ANK3: variants seen among roughly 807,000 people sequenced by gnomAD.
ANK3 encodes ankyrin-3.
In ANK3, 57 loss-of-function variants were observed where a neutral mutation model predicts 370.9. The observed-to-expected ratio is 0.15, with a 90% confidence interval of 0.12 to 0.19. The LOEUF is 0.19. ANK3 is among the 10% of genes least tolerant of loss of function. The pLI, the probability that ANK3 is intolerant of heterozygous loss-of-function variation, is 1.00. For synonymous variants in ANK3, 1,929 were observed against 1,946.3 expected (o/e 0.99, Z 0.23); for missense variants, 4,439 against 5,302.1 (o/e 0.84, Z 5.06).
chr10:60,505,019 C>T (rs990897939), intron 2 of ANK3, among the ~76,000 whole-genome samples: 2 of 151,992 alleles, frequency 1.3e-5, no homozygotes, highest in Non-Finnish European at 2.9e-5. Context: ...AAAAAAACTC[C>T]CTTTTTTAGA....
At chr10:60,176,196 CAAAAAA>C (rs553748635) in intron 18 of ANK3, among the ~76,000 whole-genome samples, 4 of 136,432 alleles carry the variant, frequency 2.9e-5, no homozygotes, top group African/African-American at 1.1e-4. Flanking sequence ...AAAAAAAAAA[CAAAAAA>C]AAACAAAAAA....
chr10:60,714,570 AT>A (rs2079755728), intron 1 of ANK3, among the ~76,000 whole-genome samples: 1 of 152,236 alleles, frequency 6.6e-6, no homozygotes, highest in Non-Finnish European at 1.5e-5. Context: ...TGCAAGACTG[AT>A]TCAACATTTG....
At chr10:60,634,659 GC>G (rs747472124) in intron 1 of ANK3, among the ~76,000 whole-genome samples, 2 of 152,080 alleles carry the variant, frequency 1.3e-5, no homozygotes, top group Non-Finnish European at 2.9e-5. Context: ...CGCTGTGGAA[GC>G]TTTGTTCTTT....
chr10:60,534,675 G>C (rs1595225292), intron 2 of ANK3, among the ~76,000 whole-genome samples: 1 of 152,076 alleles, frequency 6.6e-6, no homozygotes, highest in East Asian at 1.9e-4. Context: ...CTGAGAGTGT[G>C]ATTATTTAAA....
Position 60,389,692 on chromosome 10 carries a change from G to A in ANK3, c.-154C>T. 6.9e-7 allele frequency: 1 copy of A among 1,449,892 alleles called. No individual in the cohort carries two copies. Among genetic ancestry groups the A allele is most frequent in the South Asian group, 1.5e-5 (1 of 66,790 alleles). The allele number at this position is 1,449,892 out of a possible 1,614,324, so 89.8% of individuals were successfully genotyped here. Reference sequence around the variant, plus strand: ...AGATATTCACAATGCAAAGATGCTGGAGAAGCTGAAGCTTTTAAAAACCCA... The same window carrying A: ...AGATATTCACAATGCAAAGATGCTGAAGAAGCTGAAGCTTTTAAAAACCCA... On this transcript the variant is annotated 5_prime_UTR_variant, in exon 1 of 44. Transcript: ENST00000280772.
intron 2 of ANK3, among the ~76,000 whole-genome samples, chr10:60,532,674 T>C (rs1004560286): frequency 6.6e-6 from 1 of 152,052 alleles, no homozygotes; most frequent in Non-Finnish European, 1.5e-5. Flanking sequence ...TGGATGATGA[T>C]CTCTTGGTTC....
At chr10:60,076,519 G>T (rs2083863237) in intron 36 of ANK3, 71 bp from the exon 37 acceptor site, 4 of 1,486,670 alleles carry the variant, frequency 2.7e-6, no homozygotes, top group Non-Finnish European at 3.6e-6. Flanking sequence ...AGAGAGACCA[G>T]AGAAAAAAAT....
Position 60,290,595 on chromosome 10 carries a change from T to G in ANK3, c.115-10956A>C, listed in dbSNP as rs1455116087. Among the ~76,000 whole-genome samples, 3 of 152,210 alleles carry G rather than the reference T, an allele frequency of 2.0e-5. No homozygotes were observed. In the East Asian group the frequency reaches 5.8e-4, roughly 29 times the overall value. ...AAGTAAAAGGGGCTTGCTCCTCAGA[T>G]TCCCTCTGATAGCTACAAGGCTGCC... is the stretch of plus-strand genomic sequence containing the variant. On this transcript the variant is annotated intron_variant, in intron 1 of 43. Coordinates refer to ENST00000280772, the MANE Select transcript of ANK3 (RefSeq NM_020987.5).
At chr10:60,684,954 G>A (rs2079248398) in intron 1 of ANK3, 1 of 1,538,188 alleles carries the variant, frequency 6.5e-7, no homozygotes, top group Non-Finnish European at 8.9e-7. Context: ...TTGAGAAATT[G>A]TTAGCAACAG....
chr10:60,051,925 C>A (rs1276162723), intron 42 of ANK3, among the ~76,000 whole-genome samples: 1 of 152,028 alleles, frequency 6.6e-6, no homozygotes, highest in Non-Finnish European at 1.5e-5. Flanking sequence ...AATCTATATT[C>A]ATCTACCATG....
chr10:60,511,789 A>ATT (rs5785448), intron 2 of ANK3, among the ~76,000 whole-genome samples: 24 of 141,648 alleles, frequency 1.7e-4, no homozygotes, highest in South Asian at 4.5e-4. Flanking sequence ...GGGGAAAGGC[A>ATT]TTTTTTTTTT....
In ANK3 at chr10:60,242,618, G is replaced by T. The variant is rs554550376; in HGVS notation, c.799-7832C>A. On this transcript the variant is annotated intron_variant, in intron 7 of 43. Coordinates refer to ENST00000280772, the MANE Select transcript of ANK3 (RefSeq NM_020987.5). ...CACTCTTCTACACCCACTTTCATGA[G>T]AGCTGATACTGAGAATGTGCCTTAT... Among the ~76,000 whole-genome samples the T allele has an allele frequency of 1.1e-3, 165 of 152,270 alleles. 2 individuals are homozygous for T. Among genetic ancestry groups the T allele is most frequent in the South Asian group, 1.9e-3 (9 of 4,816 alleles).
chr10:60,702,152 G>GT (rs1034392466), intron 1 of ANK3, among the ~76,000 whole-genome samples: 1 of 151,960 alleles, frequency 6.6e-6, no homozygotes, highest in African/African-American at 2.4e-5. Flanking sequence ...TGTAGTCTCA[G>GT]CTCCTTGGAA....
At chr10:60,063,640 A>G (rs975826850) in intron 39 of ANK3, among the ~76,000 whole-genome samples, 1 of 152,246 alleles carries the variant, frequency 6.6e-6, no homozygotes, top group African/African-American at 2.4e-5. Context: ...CAAACCCATA[A>G]TAATTTATTC....
At chr10:60,302,317 T>G (rs1566406150) in intron 1 of ANK3, among the ~76,000 whole-genome samples, 1 of 152,156 alleles carries the variant, frequency 6.6e-6, no homozygotes, top group Non-Finnish European at 1.5e-5. Flanking sequence ...GGGAGGATTT[T>G]ATACAAAATA....
At chr10:60,285,045 A>T (rs1411305944) in intron 1 of ANK3, among the ~76,000 whole-genome samples, 1 of 152,104 alleles carries the variant, frequency 6.6e-6, no homozygotes, top group East Asian at 1.9e-4. Flanking sequence ...GCAAGTGATG[A>T]TCGCCTCTAT....
At chr10:60,042,884 T>C (rs1589156558) in intron 42 of ANK3, 125 bp from the exon 43 acceptor site, 15 of 1,517,626 alleles carry the variant, frequency 9.9e-6, no homozygotes, top group Non-Finnish European at 2.6e-6. Context: ...TGTCACTTCA[T>C]GTCCAAAAAT....
intron 1 of ANK3, among the ~76,000 whole-genome samples, chr10:60,713,426 A>G (rs576114813): frequency 3.2e-4 from 48 of 152,342 alleles, no homozygotes; most frequent in Non-Finnish European, 6.0e-4. Flanking sequence ...ATAAAGATGC[A>G]ACTTATCAAA....
intron 42 of ANK3, among the ~76,000 whole-genome samples, chr10:60,050,213 G>C (rs141382522): frequency 2.1e-4 from 32 of 152,310 alleles, no homozygotes; most frequent in African/African-American, 7.2e-4. Flanking sequence ...AAATGTGCTA[G>C]ACAGCAATAA....
Sources: allele counts gnomAD v4.1 joint callset (sites outside exome capture counted in the v4.1 genomes callset), GRCh38; gene constraint gnomAD v4.1.1; transcripts MANE v1.5; gene names NCBI Gene and HGNC (gene_info 2026-07-23, HGNC 2026-07-21).